The following SPAG16 variants were observed in gnomAD, a reference collection of about 807,000 sequenced individuals.
The protein encoded by SPAG16 is sperm-associated antigen 16 protein.
SPAG16 carries 86 observed loss-of-function variants against 80.4 expected under a neutral mutation model. The ratio of observed to expected loss-of-function variants is 1.07; its 90% CI spans 0.90 to 1.28. The LOEUF (loss-of-function observed/expected upper bound fraction) is 1.28. SPAG16 is among the 50% of genes most tolerant of loss of function. SPAG16 has a pLI of 0.00. For missense variants in SPAG16, 870 were observed against 765.3 expected, an observed-to-expected ratio of 1.14 and a Z score of -1.61; for synonymous variants, 294 against 265.9, an observed-to-expected ratio of 1.11 and a Z score of -1.03.
intron 1 of SPAG16, among the ~76,000 whole-genome samples, chr2:213,292,690 AAAAAC>A (rs2062339980): frequency 1.4e-5 from 2 of 139,298 alleles, no homozygotes; most frequent in African/African-American, 5.6e-5. Flanking sequence ...AAAAACAAAA[AAAAAC>A]AAAACTATCA....
At chr2:213,630,089 T>C (rs2062090612) in intron 10 of SPAG16, among the ~76,000 whole-genome samples, 1 of 152,152 alleles carries the variant, frequency 6.6e-6, no homozygotes, top group South Asian at 2.1e-4. Flanking sequence ...TTTGGCAACT[T>C]AAAGATGTTT....
rs566678930 is a variant in SPAG16, at chr2:214,181,816, C to T, written c.1720+32550C>T. 4.6e-5 allele frequency among the ~76,000 whole-genome samples: 7 copies of T among 151,558 alleles called. No individual in the cohort carries two copies. In the East Asian group the frequency reaches 1.4e-3, roughly 30 times the overall value. On this transcript the variant is annotated intron_variant, in intron 15 of 15. Transcript: ENST00000331683. Reference sequence around the variant, plus strand: ...TAAAGTGTAAACAATAGGAAAAAGACGATTTGACCTAGTCAAAGTTGTGGT... The same window carrying T: ...TAAAGTGTAAACAATAGGAAAAAGATGATTTGACCTAGTCAAAGTTGTGGT...
intron 10 of SPAG16, among the ~76,000 whole-genome samples, chr2:213,606,077 T>G (rs906122821): frequency 6.6e-6 from 1 of 152,234 alleles, no homozygotes; most frequent in African/African-American, 2.4e-5. Context: ...ATGGCATCTC[T>G]ATGGTGTCTG....
chr2:214,113,331 G>A (rs1169357547), intron 14 of SPAG16, among the ~76,000 whole-genome samples: 1 of 152,080 alleles, frequency 6.6e-6, no homozygotes. Flanking sequence ...TCTTTGTGGT[G>A]TTCTCTGTAT....
chr2:213,511,191 C>T (rs1164036392), intron 10 of SPAG16, among the ~76,000 whole-genome samples: 3 of 152,070 alleles, frequency 2.0e-5, no homozygotes, highest in African/African-American at 7.2e-5. Flanking sequence ...GACATTCAGA[C>T]TGACTTGGCA....
At chr2:213,796,262 C>T (rs1313584476) in intron 10 of SPAG16, among the ~76,000 whole-genome samples, 1 of 151,946 alleles carries the variant, frequency 6.6e-6, no homozygotes, top group Non-Finnish European at 1.5e-5. Flanking sequence ...TCTTCTCAAC[C>T]TAATTTTACT....
intron 12 of SPAG16, among the ~76,000 whole-genome samples, chr2:213,965,826 T>C (rs1041659238): frequency 6.6e-6 from 1 of 152,212 alleles, no homozygotes; most frequent in Non-Finnish European, 1.5e-5. Context: ...ATGTCTGCAC[T>C]ACTTCTCCGA....
chr2:213,387,288 A>G (rs2067474917), intron 9 of SPAG16, among the ~76,000 whole-genome samples: 1 of 151,646 alleles, frequency 6.6e-6, no homozygotes, highest in Non-Finnish European at 1.5e-5. Context: ...ACAGTGCAGG[A>G]AAGGTGAAAA....
chr2:213,541,611 C>T (rs1398578025), intron 10 of SPAG16, among the ~76,000 whole-genome samples: 2 of 152,074 alleles, frequency 1.3e-5, no homozygotes, highest in African/African-American at 4.8e-5. Context: ...CACAGACAGA[C>T]TCCATCTCAA....
In SPAG16 at chr2:213,542,802, CT is replaced by C. The variant is rs2076494569; in HGVS notation, c.1070+52714del. ...TAGTTTGCTCAATGCTATATATTTT[CT>C]TGTTTTACTTGAATTGTGGAAACAT... On this transcript the variant is annotated intron_variant, in intron 10 of 15. Transcript: ENST00000331683. 2.0e-5 allele frequency among the ~76,000 whole-genome samples: 3 copies of C among 151,814 alleles called. No individual in the cohort carries two copies. In the South Asian group the frequency reaches 6.2e-4, roughly 32 times the overall value.
chr2:213,293,322 G>A (rs1221621585), intron 1 of SPAG16, among the ~76,000 whole-genome samples: 1 of 152,166 alleles, frequency 6.6e-6, no homozygotes, highest in African/African-American at 2.4e-5. Context: ...GCATGAGAAT[G>A]AACTAATACG....
intron 15 of SPAG16, among the ~76,000 whole-genome samples, chr2:214,358,036 C>T (rs528121837): frequency 3.1e-4 from 47 of 152,076 alleles, no homozygotes; most frequent in East Asian, 7.7e-4. Context: ...CTGGAACCTG[C>T]ACATATTCTT....
At chr2:213,800,545 T>A (rs981148608) in intron 10 of SPAG16, among the ~76,000 whole-genome samples, 8 of 152,166 alleles carry the variant, frequency 5.3e-5, no homozygotes, top group Admixed American at 6.5e-5. Flanking sequence ...TTTGATTTTT[T>A]AAAAATTTTT....
At chr2:214,108,130 TC>T (rs1446636017) in intron 13 of SPAG16, 65 bp from the exon 14 acceptor site, 2 of 1,245,168 alleles carry the variant, frequency 1.6e-6, no homozygotes, top group Non-Finnish European at 2.3e-6. Context: ...CTTAAAAGCA[TC>T]TTTGAATTCC....
intron 15 of SPAG16, among the ~76,000 whole-genome samples, chr2:214,382,276 G>A (rs939232573): frequency 1.3e-5 from 2 of 152,208 alleles, no homozygotes; most frequent in South Asian, 2.1e-4. Context: ...CATCACAAAT[G>A]TGCAAAGAAG....
intron 10 of SPAG16, among the ~76,000 whole-genome samples, chr2:213,848,684 C>A (rs1463772451): frequency 1.3e-5 from 2 of 151,964 alleles, no homozygotes; most frequent in Non-Finnish European, 2.9e-5. Flanking sequence ...CAGTTTATAC[C>A]CCTGTTCCCT....
chr2:214,059,939 T>C (rs1168533148), intron 13 of SPAG16, among the ~76,000 whole-genome samples: 1 of 152,150 alleles, frequency 6.6e-6, no homozygotes, highest in Non-Finnish European at 1.5e-5. Flanking sequence ...ATCTGGGTAC[T>C]GCATCCCCAG....
At chr2:214,331,166 T>C (rs1696886581) in intron 15 of SPAG16, among the ~76,000 whole-genome samples, 1 of 152,154 alleles carries the variant, frequency 6.6e-6, no homozygotes, top group Non-Finnish European at 1.5e-5. Context: ...TACAGTAGCA[T>C]TGCTTGTTCA....
chr2:214,013,494 C>G (rs2047422864), intron 12 of SPAG16, among the ~76,000 whole-genome samples: 2 of 152,160 alleles, frequency 1.3e-5, no homozygotes, highest in African/African-American at 2.4e-5. Flanking sequence ...ATTCTCCCGT[C>G]TCTTTTCCCT....
Sources: gnomAD v4.1 joint callset for allele counts (sites outside exome capture counted in the v4.1 genomes callset) on GRCh38, gnomAD v4.1.1 for gene constraint, MANE v1.5 for transcripts, NCBI Gene and HGNC (gene_info 2026-07-23, HGNC 2026-07-21) for gene names.